The following ADGRL2 variants were observed in gnomAD, a reference collection of about 807,000 sequenced individuals.
ADGRL2 encodes adhesion G protein-coupled receptor L2.
In ADGRL2, 44 loss-of-function variants were observed where a neutral mutation model predicts 157.4. The ratio of observed to expected loss-of-function variants is 0.28; its 90% CI spans 0.22 to 0.36. The LOEUF (loss-of-function observed/expected upper bound fraction) is 0.36. Ranked by LOEUF, ADGRL2 falls within the 10% of genes least tolerant of loss-of-function variation. ADGRL2 has a pLI of 1.00. For synonymous variants in ADGRL2, 585 were observed against 624.7 expected (o/e 0.94, Z 0.95); for missense variants, 1,510 against 1,768.9 (o/e 0.85, Z 2.63).
chr1:81,976,457 T>G (rs1278462298), intron 17 of ADGRL2, among the ~76,000 whole-genome samples: 1 of 152,018 alleles, frequency 6.6e-6, no homozygotes, highest in Non-Finnish European at 1.5e-5. Flanking sequence ...TTTCAGTTTC[T>G]TCAAGTTGGA....
chr1:81,908,898 A>C (rs1204880274), intron 3 of ADGRL2, among the ~76,000 whole-genome samples: 2 of 147,452 alleles, frequency 1.4e-5, no homozygotes, highest in Non-Finnish European at 3.0e-5. Context: ...TTTTTAAGAC[A>C]GAGTCTCACT....
chr1:81,421,294 A>C (rs564273032), intron 1 of ADGRL2, among the ~76,000 whole-genome samples: 1 of 152,332 alleles, frequency 6.6e-6, no homozygotes, highest in South Asian at 2.1e-4. Context: ...CATCTTACTT[A>C]TGGAGGATGT....
intron 3 of ADGRL2, among the ~76,000 whole-genome samples, chr1:81,926,033 C>A (rs541289614): frequency 8.4e-4 from 127 of 152,090 alleles, no homozygotes; most frequent in African/African-American, 2.7e-3. Flanking sequence ...GGTTCTTTTG[C>A]ATTATTTCAA....
At chr1:81,742,738 T>C (rs1291151575) in intron 1 of ADGRL2, among the ~76,000 whole-genome samples, 2 of 152,084 alleles carry the variant, frequency 1.3e-5, no homozygotes, top group East Asian at 3.8e-4. Flanking sequence ...AATGCATAAC[T>C]GAATGAATGT....
intron 1 of ADGRL2, among the ~76,000 whole-genome samples, chr1:81,323,147 C>T (rs143469248): frequency 1.6e-3 from 247 of 151,942 alleles, no homozygotes; most frequent in African/African-American, 5.7e-3. Context: ...TGTGAGCCAC[C>T]GTGCCCGGCC....
chr1:81,544,578 C>T (rs2079967575), intron 2 of ADGRL2, among the ~76,000 whole-genome samples: 1 of 152,142 alleles, frequency 6.6e-6, no homozygotes, highest in South Asian at 2.1e-4. Context: ...TTCTCTGTAC[C>T]TGAAATTAAT....
intron 2 of ADGRL2, among the ~76,000 whole-genome samples, chr1:81,487,959 C>T (rs866041899): frequency 1.1e-4 from 17 of 152,100 alleles, no homozygotes; most frequent in South Asian, 6.2e-4. Context: ...CAAGGCACCC[C>T]GTCCTCCAAA....
At chr1:81,749,524 A>G (rs72715771) in intron 1 of ADGRL2, among the ~76,000 whole-genome samples, 2,925 of 152,226 alleles carry the variant, frequency 0.019, 41 homozygotes, top group South Asian at 0.052. Context: ...CTAGATGGTA[A>G]GCTCCATCAG....
intron 3 of ADGRL2, among the ~76,000 whole-genome samples, chr1:81,686,721 AC>A (rs2083235218): frequency 6.6e-6 from 1 of 151,870 alleles, no homozygotes; most frequent in Non-Finnish European, 1.5e-5. Flanking sequence ...TTGAGGTGTG[AC>A]CTTAGATTGT....
chr1:81,531,862 T>C (rs1189857517), intron 2 of ADGRL2, among the ~76,000 whole-genome samples: 1 of 152,152 alleles, frequency 6.6e-6, no homozygotes, highest in East Asian at 1.9e-4. Context: ...CATAAGCCCC[T>C]AAATTTCTTA....
chr1:81,720,977 C>T lies in ADGRL2; in HGVS notation c.-143+21169C>T, dbSNP rs539266129. Among the ~76,000 whole-genome samples, 3 of 150,218 alleles carry T rather than the reference C, an allele frequency of 2.0e-5. No homozygotes were observed. In the East Asian group the frequency reaches 5.8e-4, roughly 29 times the overall value. On this transcript the variant is annotated intron_variant, in intron 1 of 20. Coordinates refer to the ADGRL2 transcript ENST00000359929. ...GGCTATCAATTATGTAAACCTACTC[C>T]CACTAATTTAATAACAGCTTTTCAG...
intron 3 of ADGRL2, among the ~76,000 whole-genome samples, chr1:81,666,846 A>G (rs2082760940): frequency 6.6e-6 from 1 of 152,224 alleles, no homozygotes; most frequent in Non-Finnish European, 1.5e-5. Flanking sequence ...TAACTTATTA[A>G]ACAGAAGCTA....
intron 1 of ADGRL2, among the ~76,000 whole-genome samples, chr1:81,802,087 C>T (rs534854725): frequency 1.3e-5 from 2 of 150,356 alleles, no homozygotes; most frequent in South Asian, 2.1e-4. Flanking sequence ...GCGGCGCTGC[C>T]TCCCGCGCGG....
chr1:81,979,616 G>A, intron 17 of ADGRL2, among the ~76,000 whole-genome samples: 1 of 145,306 alleles, frequency 6.9e-6, no homozygotes, highest in South Asian at 2.4e-4. Context: ...AACTAATTTA[G>A]GTTTTCTAAT....
intron 1 of ADGRL2, among the ~76,000 whole-genome samples, chr1:81,385,633 T>C (rs1017569932): frequency 6.6e-6 from 1 of 151,450 alleles, no homozygotes; most frequent in Admixed American, 6.6e-5. Context: ...TTAATGAAAC[T>C]GGAATCCCTG....
intron 1 of ADGRL2, among the ~76,000 whole-genome samples, chr1:81,383,685 G>A (rs1040312734): frequency 2.7e-5 from 4 of 150,196 alleles, no homozygotes; most frequent in Admixed American, 6.6e-5. Flanking sequence ...AAAGAAGGCC[G>A]GGTGCACGGT....
chr1:81,532,656 T>G (rs750950637), intron 2 of ADGRL2, among the ~76,000 whole-genome samples: 5 of 150,438 alleles, frequency 3.3e-5, no homozygotes, highest in Non-Finnish European at 4.4e-5. Context: ...GGCTCATGTC[T>G]GTAATCCCAG....
intron 1 of ADGRL2, among the ~76,000 whole-genome samples, chr1:81,384,855 T>A (rs1031573011): frequency 6.6e-6 from 1 of 152,190 alleles, no homozygotes; most frequent in Non-Finnish European, 1.5e-5. Context: ...ATCAATTTTA[T>A]CCACTCACTT....
intron 3 of ADGRL2, among the ~76,000 whole-genome samples, chr1:81,680,926 C>G (rs1049443641): frequency 1.1e-4 from 16 of 152,036 alleles, no homozygotes; most frequent in Non-Finnish European, 1.5e-4. Context: ...CAGAGATCCT[C>G]CATCCCCCAA....
Sources: gnomAD v4.1 joint callset for allele counts (sites outside exome capture counted in the v4.1 genomes callset) on GRCh38, gnomAD v4.1.1 for gene constraint, MANE v1.5 for transcripts, NCBI Gene and HGNC (gene_info 2026-07-23, HGNC 2026-07-21) for gene names.